The following FTCD variants were observed in gnomAD, a reference collection of about 807,000 sequenced individuals.
FTCD encodes the protein formimidoyltransferase cyclodeaminase, also known as formimidoyltransferase-cyclodeaminase.
In FTCD, 76 loss-of-function variants were observed where a neutral mutation model predicts 62.9. The ratio of observed to expected loss-of-function variants is 1.21; its 90% CI spans 1.00 to 1.46. FTCD has a LOEUF of 1.46. Ranked by LOEUF, FTCD falls within the 40% of genes most tolerant of loss-of-function variation. The probability of loss-of-function intolerance (pLI) is 0.00; values close to 1 mark genes in which losing one functional copy is unlikely to be tolerated. For missense variants in FTCD, 845 were observed against 751.3 expected (o/e 1.12, Z -1.46); for synonymous variants, 397 against 336.9 (o/e 1.18, Z -1.95).
Position 46,150,526 on chromosome 21 carries a change from C to A in FTCD, c.637-1G>T. The A allele has an allele frequency of 6.2e-7, 1 of 1,613,222 alleles. No homozygotes were observed. The highest frequency in any genetic ancestry group is 1.1e-5 in the South Asian group (1 of 91,086). ...CCTGAACTTTCTTCAGACGTCCTGGCTGCAAAGGAAGAGCGTTCCCCAGCC... is the reference window on the plus strand; with the variant it reads ...CCTGAACTTTCTTCAGACGTCCTGGATGCAAAGGAAGAGCGTTCCCCAGCC... On this transcript the variant is annotated splice_acceptor_variant, in intron 5 of 13. Transcript: ENST00000397746. LOFTEE classifies it high-confidence loss of function.
Position 46,155,456 on chromosome 21 carries a change from TCC to T in FTCD, c.54+12_54+13del. On this transcript the variant is annotated intron_variant, in intron 1 of 13. Transcript: ENST00000397746. ...CATCAGCCCTAGATGCTTGACCAGC[TCC>T]TCGGGCCTCACCTCCTGGTTCTTCC... is the stretch of plus-strand genomic sequence containing the variant. The T allele has an allele frequency of 6.2e-7, 1 of 1,608,600 alleles. No homozygotes were observed. The highest frequency in any genetic ancestry group is 1.7e-5 in the Admixed American group (1 of 60,010).
At chr21:46,138,671 G>C (rs753767995) in intron 11 of FTCD, 25 bp from the exon 12 acceptor site, 1 of 1,594,318 alleles carries the variant, frequency 6.3e-7, no homozygotes. Context: ...AGGAGAGCCT[G>C]AGCACAGCGG....
At position 46,140,944 on chromosome 21, in the gene FTCD, G is replaced by A. The variant is rs569034921; in HGVS notation, c.1261-2021C>T. Among the ~76,000 whole-genome samples, 165 of 152,286 alleles carry A rather than the reference G, an allele frequency of 1.1e-3. 1 individual carries two copies. Among genetic ancestry groups the A allele is most frequent in the African/African-American group, 3.7e-3 (152 of 41,530 alleles). The stretch of plus-strand genomic sequence containing the variant: ...CACCTTCACGTGGCTCACAGGGAGC[G>A]TAAACCAATCCACTGATTTCGACCA... On this transcript the variant is annotated intron_variant, in intron 10 of 13. Coordinates refer to ENST00000397746, the MANE Select transcript of FTCD (RefSeq NM_206965.2).
At chr21:46,145,244 G>T (rs1361777995) in intron 10 of FTCD, among the ~76,000 whole-genome samples, 173 bp downstream of exon 10, 1 of 152,228 alleles carries the variant, frequency 6.6e-6, no homozygotes, top group Admixed American at 6.5e-5. Flanking sequence ...ACTTGCCGGG[G>T]TGAGGGCGGT....
chr21:46,145,672 G>T lies in FTCD; in HGVS notation c.1099-94C>A, dbSNP rs931728037. ...AGGGGCCCGGGTGATCCCTGCGGGG[G>T]TCCCACCCGTGTGGCCCCCACGTCT... is the stretch of plus-strand genomic sequence containing the variant. On this transcript the variant is annotated intron_variant, in intron 9 of 13. Coordinates refer to ENST00000397746, the MANE Select transcript of FTCD (RefSeq NM_206965.2). The T allele has an allele frequency of 9.6e-6, 7 of 729,340 alleles. No individual in the cohort carries two copies. The Admixed American group carries it at 2.3e-4, about 24-fold the overall frequency. The allele number at this position is 729,340 out of a possible 1,614,324, so 45.2% of individuals were successfully genotyped here. A position where few individuals can be genotyped will look rare whatever the true frequency, so the allele number is the denominator to read the frequency against.
intron 10 of FTCD, chr21:46,142,634 G>A (rs886794158): frequency 2.0e-5 from 3 of 152,388 alleles, no homozygotes; most frequent in South Asian, 2.1e-4. Context: ...CAAAGAGTAA[G>A]CAGCAGCAAG....
intron 2 of FTCD, 80 bp from the exon 3 acceptor site, chr21:46,153,115 T>C (rs2079340819): frequency 7.0e-7 from 1 of 1,430,282 alleles, no homozygotes; most frequent in Non-Finnish European, 9.4e-7. Context: ...GGACCCTCTG[T>C]CCTCTCCGGC....
intron 3 of FTCD, 60 bp from the exon 4 acceptor site, chr21:46,152,040 G>T: frequency 8.0e-7 from 1 of 1,242,508 alleles, no homozygotes; most frequent in Non-Finnish European, 1.1e-6. Flanking sequence ...TCAGTTCCTG[G>T]AGGACGCAGG....
intron 10 of FTCD, 192 bp from the exon 11 acceptor site, chr21:46,139,115 G>T (rs560378762): frequency 1.1e-5 from 7 of 624,502 alleles, no homozygotes; most frequent in East Asian, 8.3e-5. Flanking sequence ...GGTAGGGGGG[G>T]TCGGGGCACA....
intron 7 of FTCD, among the ~76,000 whole-genome samples, chr21:46,148,618 C>G (rs539299090): frequency 5.4e-4 from 83 of 152,298 alleles, no homozygotes; most frequent in African/African-American, 1.8e-3. Context: ...GACCCTGTCT[C>G]AAAAGAAGTA....
chr21:46,143,513 T>C (rs937598585), intron 10 of FTCD, among the ~76,000 whole-genome samples: 7 of 152,222 alleles, frequency 4.6e-5, no homozygotes, highest in Non-Finnish European at 1.5e-5. Context: ...TATATAATTA[T>C]TAATCATTAG....
At position 46,145,854 on chromosome 21, in the gene FTCD, G is replaced by C; in HGVS notation, c.1062C>G (p.Pro354=). The change falls in exon 9 of 14, where the codon CCC becomes CCG. Residue 354 remains proline (P), a synonymous_variant. Coordinates refer to ENST00000397746, the MANE Select transcript of FTCD (RefSeq NM_206965.2). The part of the protein sequence containing the change: ...VGEVGARSAA[P]GGGSVAAAAA... The stretch of plus-strand genomic sequence containing the variant: ...CGGCCGCCGCCACCGAGCCGCCCCC[G>C]GGGGCCGCAGAGCGGGCACCCACCT... 6.6e-6 allele frequency: 7 copies of C among 1,055,226 alleles called. No individual in the cohort carries two copies. Among genetic ancestry groups the C allele is most frequent in the Admixed American group, 1.3e-4 (2 of 15,262 alleles). The allele number at this position is 1,055,226 out of a possible 1,614,324, so 65.4% of individuals were successfully genotyped here. A position where few individuals can be genotyped will look rare whatever the true frequency, so the allele number is the denominator to read the frequency against.
At chr21:46,143,373 C>T (rs994008360) in intron 10 of FTCD, among the ~76,000 whole-genome samples, 2 of 151,720 alleles carry the variant, frequency 1.3e-5, no homozygotes, top group African/African-American at 4.8e-5. Context: ...CCCCCCCTCC[C>T]CATCTCCCTC....
Position 46,154,159 on chromosome 21 carries a change from G to A in FTCD, c.228C>T (p.Ser76=), listed in dbSNP as rs2079372218. 1.2e-6 allele frequency: 2 copies of A among 1,612,688 alleles called. No homozygotes were observed. Among genetic ancestry groups the A allele is most frequent in the Non-Finnish European group, 1.7e-6 (2 of 1,179,958 alleles). ...ARVASRLIDM[S]RHQGEHPRMG... is the part of the protein sequence containing the mutation. ...GCCCAGAGACCTCACCTTGGTGCCT[G>A]CTCATGTCGATAAGTCGGGAAGCTA... The change falls in exon 2 of 14, where the codon AGC becomes AGT. Residue 76 remains serine, a synonymous_variant. Transcript: ENST00000397746.
At position 46,150,382 on chromosome 21, in the gene FTCD, G is replaced by T. The variant is rs776591279; in HGVS notation, c.774+6C>A. On this transcript the variant is annotated splice_donor_region_variant and intron_variant, in intron 6 of 13. Coordinates refer to ENST00000397746, the MANE Select transcript of FTCD (RefSeq NM_206965.2). ...TCACAGCAGCAGCGGCTGCTCCCGG[G>T]CTCACCTGTGCTTCTCGGCAGGTCT... The T allele has an allele frequency of 1.9e-6, 3 of 1,612,762 alleles. No individual in the cohort carries two copies. In the East Asian group the frequency reaches 6.7e-5, roughly 36 times the overall value.
intron 9 of FTCD, 44 bp from the exon 10 acceptor site, chr21:46,145,622 C>G: frequency 1.4e-6 from 2 of 1,480,838 alleles, no homozygotes; most frequent in Non-Finnish European, 1.8e-6. Flanking sequence ...CCCCAGACGG[C>G]CCGGGACCGA....
chr21:46,146,121 CG>C, intron 8 of FTCD, 144 bp downstream of exon 8: 1 of 750,366 alleles, frequency 1.3e-6, no homozygotes, highest in Non-Finnish European at 2.2e-6. Context: ...CCCCAGACCC[CG>C]GCTTGGCGCA....
chr21:46,148,121 T>G (rs142043056), intron 7 of FTCD, among the ~76,000 whole-genome samples: 13 of 152,254 alleles, frequency 8.5e-5, no homozygotes, highest in African/African-American at 2.6e-4. Flanking sequence ...AACAGGTATT[T>G]ACCTACTCAA....
chr21:46,140,890 G>A (rs2078988585), intron 10 of FTCD, among the ~76,000 whole-genome samples: 1 of 150,586 alleles, frequency 6.6e-6, no homozygotes, highest in Non-Finnish European at 1.5e-5. Flanking sequence ...TGCTCACAGG[G>A]AGCGTAAACC....
Sources: gnomAD v4.1 joint callset for allele counts (sites outside exome capture counted in the v4.1 genomes callset) on GRCh38, gnomAD v4.1.1 for gene constraint, MANE v1.5 for transcripts, NCBI Gene and HGNC (gene_info 2026-07-23, HGNC 2026-07-21) for gene names.